FHIT: variants seen among roughly 807,000 people sequenced by gnomAD.
The protein encoded by FHIT is bis(5'-adenosyl)-triphosphatase.
Under a neutral mutation model 17.9 loss-of-function variants are expected in FHIT, and 19 were observed. That is an observed-to-expected ratio of 1.06 (90% confidence interval 0.74 to 1.56). The LOEUF (loss-of-function observed/expected upper bound fraction) is 1.56. Ranked by LOEUF, FHIT falls within the 40% of genes most tolerant of loss-of-function variation. The pLI, the probability that FHIT is intolerant of heterozygous loss-of-function variation, is 0.00. For synonymous variants in FHIT, 81 were observed against 69.7 expected, an observed-to-expected ratio of 1.16 and a Z score of -0.81; for missense variants, 248 against 189.2, an observed-to-expected ratio of 1.31 and a Z score of -1.82.
At chr3:60,153,099 T>A (rs867322109) in intron 5 of FHIT, among the ~76,000 whole-genome samples, 1 of 152,188 alleles carries the variant, frequency 6.6e-6, no homozygotes, top group African/African-American at 2.4e-5. Flanking sequence ...AACAGCAGCA[T>A]CTTGAATTTG....
intron 5 of FHIT, among the ~76,000 whole-genome samples, chr3:60,083,309 G>A (rs1356920792): frequency 6.6e-6 from 1 of 151,960 alleles, no homozygotes; most frequent in East Asian, 1.9e-4. Flanking sequence ...CTGTTCCATT[G>A]GTCTTTGTCT....
At chr3:60,596,750 G>C (rs1332632960) in intron 4 of FHIT, among the ~76,000 whole-genome samples, 1 of 152,112 alleles carries the variant, frequency 6.6e-6, no homozygotes, top group African/African-American at 2.4e-5. Flanking sequence ...ACTCTGGAGT[G>C]TGACTGCCTA....
chr3:60,983,825 T>C (rs2107561848), intron 3 of FHIT, among the ~76,000 whole-genome samples: 1 of 152,330 alleles, frequency 6.6e-6, no homozygotes, highest in Admixed American at 6.5e-5. Flanking sequence ...CTTTGTACTT[T>C]GTCTGGCTGA....
chr3:60,331,080 C>T (rs1019928465), intron 5 of FHIT, among the ~76,000 whole-genome samples: 2 of 152,182 alleles, frequency 1.3e-5, no homozygotes, highest in African/African-American at 4.8e-5. Context: ...AGGTCTTGTG[C>T]AATCTTAAGT....
intron 4 of FHIT, among the ~76,000 whole-genome samples, chr3:60,554,863 G>A (rs73834217): frequency 0.086 from 13,053 of 152,162 alleles, 1,219 homozygotes; most frequent in African/African-American, 0.22. Context: ...TCATGGCAAA[G>A]CAATGCTGCT....
intron 2 of FHIT, among the ~76,000 whole-genome samples, chr3:61,153,796 A>G (rs955613236): frequency 6.6e-6 from 1 of 152,234 alleles, no homozygotes; most frequent in Non-Finnish European, 1.5e-5. Flanking sequence ...GCCAATGTCC[A>G]TAGCCTAGGC....
chr3:60,768,907 T>G (rs911441012), intron 4 of FHIT, among the ~76,000 whole-genome samples: 1 of 152,214 alleles, frequency 6.6e-6, no homozygotes, highest in Admixed American at 6.5e-5. Flanking sequence ...GGGGGCATGC[T>G]GTTTGTATGG....
intron 8 of FHIT, among the ~76,000 whole-genome samples, chr3:59,893,783 G>T (rs574909007): frequency 5.9e-5 from 9 of 152,154 alleles, no homozygotes; most frequent in African/African-American, 2.2e-4. Flanking sequence ...CCCATGATCC[G>T]CCTCAGAGGA....
intron 7 of FHIT, among the ~76,000 whole-genome samples, chr3:59,933,912 A>C (rs1359365840): frequency 6.6e-6 from 1 of 152,118 alleles, no homozygotes; most frequent in African/African-American, 2.4e-5. Flanking sequence ...TGGGCTACTA[A>C]CTCTTATCTA....
intron 8 of FHIT, among the ~76,000 whole-genome samples, chr3:59,852,629 A>G (rs1189773003): frequency 1.3e-5 from 2 of 152,178 alleles, no homozygotes; most frequent in African/African-American, 4.8e-5. Flanking sequence ...TTACAGTATC[A>G]TATAGAGTAG....
rs1404553466 is a variant in FHIT at position 60,870,917 on chromosome 3, T to C, written c.-110-48906A>G. ...CTTGGGAAATAGTCACTTAGCCTAT[T>C]CTCCTGGTGATGCCCCAGACATTGT... On this transcript the variant is annotated intron_variant, in intron 3 of 9. Coordinates refer to ENST00000492590, the MANE Select transcript of FHIT (RefSeq NM_002012.4). Among the ~76,000 whole-genome samples the C allele has an allele frequency of 3.7e-4, 57 of 152,150 alleles. 2 individuals are homozygous for C. The highest frequency in any genetic ancestry group is 3.1e-3 in the Admixed American group (48 of 15,252).
chr3:60,883,471 G>A (rs1438031738), intron 3 of FHIT, among the ~76,000 whole-genome samples: 2 of 151,954 alleles, frequency 1.3e-5, no homozygotes, highest in African/African-American at 4.8e-5. Flanking sequence ...AAATATACAA[G>A]AAAGTGATAA....
rs181404668 is a variant in FHIT at position 60,806,254 on chromosome 3, G to A, written c.-18+15665C>T. On this transcript the variant is annotated intron_variant, in intron 4 of 9. Coordinates refer to ENST00000492590, the MANE Select transcript of FHIT (RefSeq NM_002012.4). ...GAAAACATCAGCACCCCAGGCAGCA[G>A]CCACAACCCTGTCTCCTGTTAAAGC... 1.0e-3 allele frequency among the ~76,000 whole-genome samples: 153 copies of A among 152,312 alleles called. 4 individuals are homozygous for A. In the South Asian group the frequency reaches 0.03, roughly 30 times the overall value.
rs60177380 is a variant in FHIT, at chr3:60,875,923, A to ATGTGTGTGTGTGTGTGTGTGTG, written c.-110-53934_-110-53913dup. On this transcript the variant is annotated intron_variant, in intron 3 of 9. Transcript: ENST00000492590. ...ATTTTTAGCTAAGGAAAACTTATTC[A>ATGTGTGTGTGTGTGTGTGTGTG]TGTGTGTGTGTGTGTGTGTGTGTGT... is the stretch of plus-strand genomic sequence containing the variant. Among the ~76,000 whole-genome samples, 4 of 136,802 alleles carry ATGTGTGTGTGTGTGTGTGTGTG rather than the reference A, an allele frequency of 2.9e-5. No homozygotes were observed. The Admixed American group carries it at 3.0e-4, about 10-fold the overall frequency. 89.7% of individuals were successfully genotyped at this position (136,802 alleles called of 152,430 possible). A position where few individuals can be genotyped will look rare whatever the true frequency, so the allele number is the denominator to read the frequency against.
chr3:60,904,547 C>CA (rs1706297025), intron 3 of FHIT, among the ~76,000 whole-genome samples: 1 of 150,374 alleles, frequency 6.7e-6, no homozygotes. Flanking sequence ...ATTTGCATAG[C>CA]AAAAAATACC....
At chr3:60,664,532 G>T (rs2040336467) in intron 4 of FHIT, among the ~76,000 whole-genome samples, 1 of 151,734 alleles carries the variant, frequency 6.6e-6, no homozygotes, top group Non-Finnish European at 1.5e-5. Context: ...CTATTTTCTA[G>T]AAAAGATAAT....
intron 4 of FHIT, among the ~76,000 whole-genome samples, chr3:60,609,630 C>A (rs560183116): frequency 1.3e-5 from 2 of 152,180 alleles, no homozygotes. Context: ...CAGCCCTTAG[C>A]CTTTTGCTTC....
chr3:60,740,615 T>C (rs1553713673), intron 4 of FHIT, among the ~76,000 whole-genome samples: 1 of 152,234 alleles, frequency 6.6e-6, no homozygotes, highest in Non-Finnish European at 1.5e-5. Flanking sequence ...GGTACATTCA[T>C]ATTATTTTGC....
intron 3 of FHIT, among the ~76,000 whole-genome samples, chr3:60,885,237 G>T (rs1404435221): frequency 6.6e-6 from 1 of 152,086 alleles, no homozygotes; most frequent in African/African-American, 2.4e-5. Flanking sequence ...AATGTTCAAG[G>T]TGCTGGATAT....
Sources: allele counts gnomAD v4.1 joint callset (sites outside exome capture counted in the v4.1 genomes callset), GRCh38; gene constraint gnomAD v4.1.1; transcripts MANE v1.5; gene names NCBI Gene and HGNC (gene_info 2026-07-23, HGNC 2026-07-21).